Variants in DCLK1 observed in about 807,000 individuals in gnomAD.
DCLK1 encodes doublecortin like kinase 1.
In DCLK1, 16 loss-of-function variants were observed where a neutral mutation model predicts 86.2. That is an observed-to-expected ratio of 0.19 (90% CI 0.13 to 0.28). DCLK1 has a LOEUF of 0.28. DCLK1 is among the 10% of genes least tolerant of loss of function. The probability of loss-of-function intolerance (pLI) is 1.00; values close to 1 mark genes in which losing one functional copy is unlikely to be tolerated. For missense variants in DCLK1, 590 were observed against 940.2 expected (o/e 0.63, Z 4.87); for synonymous variants, 369 against 370.5 (o/e 1.00, Z 0.05).
At chr13:35,780,208 A>G (rs1225151347) in intron 16 of DCLK1, among the ~76,000 whole-genome samples, 1 of 152,198 alleles carries the variant, frequency 6.6e-6, no homozygotes, top group Non-Finnish European at 1.5e-5. Flanking sequence ...GGGTCTCTTC[A>G]GAACGCCTAT....
intron 3 of DCLK1, among the ~76,000 whole-genome samples, chr13:36,024,947 T>C (rs2153151640): frequency 6.6e-6 from 1 of 151,788 alleles, no homozygotes; most frequent in South Asian, 2.1e-4. Flanking sequence ...TATGGTCAAC[T>C]GATTTTCTTT....
intron 5 of DCLK1, among the ~76,000 whole-genome samples, chr13:35,870,590 G>A (rs1872195678): frequency 6.6e-6 from 1 of 152,074 alleles, no homozygotes; most frequent in Non-Finnish European, 1.5e-5. Flanking sequence ...TAACAATAGA[G>A]ACCCTTCACC....
intron 16 of DCLK1, among the ~76,000 whole-genome samples, chr13:35,792,227 G>A (rs1456031105): frequency 8.5e-5 from 13 of 152,248 alleles, no homozygotes; most frequent in Admixed American, 5.9e-4. Context: ...GGGTTCAATC[G>A]AGAAACACGA....
intron 3 of DCLK1, among the ~76,000 whole-genome samples, chr13:36,055,753 A>G (rs1477158264): frequency 6.9e-6 from 1 of 144,560 alleles, no homozygotes; most frequent in African/African-American, 2.6e-5. Context: ...ACTGATGTTG[A>G]GGTCAGTAAT....
At chr13:35,776,825 C>A (rs1351227268) in intron 16 of DCLK1, among the ~76,000 whole-genome samples, 1 of 152,176 alleles carries the variant, frequency 6.6e-6, no homozygotes, top group East Asian at 1.9e-4. Context: ...ATATTTACTT[C>A]ATTTCCCCAT....
At chr13:36,069,019 C>T (rs192163851) in intron 3 of DCLK1, among the ~76,000 whole-genome samples, 6 of 152,314 alleles carry the variant, frequency 3.9e-5, no homozygotes, top group South Asian at 4.1e-4. Flanking sequence ...CATAGTCTAA[C>T]GCATTTTTCA....
rs572683462 is a variant in DCLK1, at chr13:36,059,467, TAAAATC to T, written c.723+52396_723+52401del. Among the ~76,000 whole-genome samples, 89 of 152,214 alleles carry T rather than the reference TAAAATC, an allele frequency of 5.8e-4. 1 individual carries two copies. The East Asian group carries it at 0.011, about 20-fold the overall frequency. On this transcript the variant is annotated intron_variant, in intron 3 of 16. Coordinates refer to ENST00000360631, the MANE Select transcript of DCLK1 (RefSeq NM_001330071.2). ...GAAATCATCACAGTGGGCCTGGAAA[TAAAATC>T]AAGATCTTTGTCCCTCCAGAGACTA...
intron 3 of DCLK1, among the ~76,000 whole-genome samples, chr13:35,966,425 A>G (rs1358210433): frequency 2.6e-5 from 4 of 152,152 alleles, no homozygotes; most frequent in Non-Finnish European, 4.4e-5. Context: ...ACAAAATATG[A>G]CATAACCATA....
intron 3 of DCLK1, among the ~76,000 whole-genome samples, chr13:36,088,025 G>A (rs938504562): frequency 1.3e-5 from 2 of 152,176 alleles, no homozygotes; most frequent in Non-Finnish European, 2.9e-5. Flanking sequence ...GTGGGAAAAT[G>A]GCCAAGTTAC....
intron 2 of DCLK1, among the ~76,000 whole-genome samples, chr13:36,118,942 A>T (rs1392001399): frequency 6.6e-6 from 1 of 152,178 alleles, no homozygotes; most frequent in Admixed American, 6.5e-5. Context: ...GGCCTCTTTC[A>T]TGAAGCAATG....
At chr13:35,830,099 A>T (rs1868827819) in intron 8 of DCLK1, among the ~76,000 whole-genome samples, 1 of 152,194 alleles carries the variant, frequency 6.6e-6, no homozygotes, top group East Asian at 1.9e-4. Context: ...AGAAATTTAA[A>T]ACGTGGGTTG....
intron 16 of DCLK1, among the ~76,000 whole-genome samples, chr13:35,780,947 T>A (rs2086514677): frequency 6.6e-6 from 1 of 152,264 alleles, no homozygotes; most frequent in Admixed American, 6.5e-5. Flanking sequence ...AAAGGATACA[T>A]CTACTGAATT....
chr13:35,827,788 C>T (rs1212902716), intron 9 of DCLK1, 34 bp from the exon 10 acceptor site: 1 of 1,610,716 alleles, frequency 6.2e-7, no homozygotes, highest in African/African-American at 1.3e-5. Flanking sequence ...CATCAGCTTC[C>T]ATAAAACATG....
chr13:36,037,125 TGA>T (rs2153154406), intron 3 of DCLK1, among the ~76,000 whole-genome samples: 1 of 152,092 alleles, frequency 6.6e-6, no homozygotes, highest in East Asian at 1.9e-4. Flanking sequence ...TTATGATAAG[TGA>T]AATAAACCAA....
intron 3 of DCLK1, among the ~76,000 whole-genome samples, chr13:35,989,397 G>C (rs150628856): frequency 0.059 from 8,935 of 151,528 alleles, 378 homozygotes; most frequent in Non-Finnish European, 0.085. Context: ...TCAGCCTCCT[G>C]AGTATCTGGG....
At chr13:36,032,150 CT>C (rs998678030) in intron 3 of DCLK1, among the ~76,000 whole-genome samples, 3 of 138,450 alleles carry the variant, frequency 2.2e-5, no homozygotes, top group Non-Finnish European at 3.2e-5. Flanking sequence ...TTTCTTTTTT[CT>C]TTTTTTTTGA....
At chr13:36,118,908 T>C (rs995802485) in intron 2 of DCLK1, among the ~76,000 whole-genome samples, 2 of 152,188 alleles carry the variant, frequency 1.3e-5, no homozygotes, top group Admixed American at 6.5e-5. Flanking sequence ...TTCACAGGGT[T>C]GAAGGGGCAA....
At chr13:36,062,983 G>A (rs565811297) in intron 3 of DCLK1, among the ~76,000 whole-genome samples, 24 of 152,224 alleles carry the variant, frequency 1.6e-4, no homozygotes, top group Middle Eastern at 3.4e-3. Flanking sequence ...ATTTGTTTGC[G>A]GATGTCTGTA....
At chr13:36,077,171 C>T (rs1326367592) in intron 3 of DCLK1, among the ~76,000 whole-genome samples, 1 of 152,230 alleles carries the variant, frequency 6.6e-6, no homozygotes, top group African/African-American at 2.4e-5. Flanking sequence ...CAAATGGATA[C>T]ACCAAGACTT....
Sources: allele counts gnomAD v4.1 joint callset (sites outside exome capture counted in the v4.1 genomes callset), GRCh38; gene constraint gnomAD v4.1.1; transcripts MANE v1.5; gene names NCBI Gene and HGNC (gene_info 2026-07-23, HGNC 2026-07-21).